TAF2: variants seen among roughly 807,000 people sequenced by gnomAD.
TAF2 encodes the protein TATA-box binding protein associated factor 2.
A neutral mutation model predicts 138.5 loss-of-function variants in TAF2; 61 were observed. That is an observed-to-expected ratio of 0.44 (90% CI 0.36 to 0.54). The LOEUF is 0.54. Ranked by LOEUF, TAF2 falls within the 20% of genes least tolerant of loss-of-function variation. TAF2 has a pLI of 0.00. For missense variants in TAF2, 1,090 were observed against 1,427.9 expected, an observed-to-expected ratio of 0.76 and a Z score of 3.81; for synonymous variants, 475 against 469.9, an observed-to-expected ratio of 1.01 and a Z score of -0.14.
chr8:119,782,019 T>C (rs1822699436), intron 16 of TAF2, among the ~76,000 whole-genome samples: 2 of 152,232 alleles, frequency 1.3e-5, no homozygotes. Flanking sequence ...TATAATTATT[T>C]TCTACAAGTT....
At chr8:119,797,138 C>A (rs770861837) in intron 7 of TAF2, 35 bp from the exon 8 acceptor site, 3 of 1,389,406 alleles carry the variant, frequency 2.2e-6, no homozygotes, top group Non-Finnish European at 3.1e-6. Flanking sequence ...TCATTATAAC[C>A]AAGAAATAAA....
chr8:119,771,373 T>C (rs1283758469), intron 18 of TAF2, among the ~76,000 whole-genome samples: 1 of 151,904 alleles, frequency 6.6e-6, no homozygotes, highest in Non-Finnish European at 1.5e-5. Flanking sequence ...GTAGCTGGGA[T>C]TACAAGCATG....
intron 18 of TAF2, among the ~76,000 whole-genome samples, chr8:119,772,973 T>A (rs1821957736): frequency 6.7e-6 from 1 of 148,614 alleles, no homozygotes; most frequent in Non-Finnish European, 1.5e-5. Flanking sequence ...AATAATAATA[T>A]TACTTAAAAT....
intron 18 of TAF2, among the ~76,000 whole-genome samples, chr8:119,775,139 G>GGC: frequency 6.6e-6 from 1 of 151,852 alleles, no homozygotes; most frequent in South Asian, 2.1e-4. Context: ...AAATTAGCCA[G>GGC]GTGTGGCAGC....
chr8:119,741,986 T>C (rs1819628978), intron 25 of TAF2, among the ~76,000 whole-genome samples: 1 of 152,202 alleles, frequency 6.6e-6, no homozygotes, highest in African/African-American at 2.4e-5. Flanking sequence ...AACAAACACA[T>C]CTGAATTAAA....
At position 119,809,689 on chromosome 8, in the gene TAF2, G is replaced by C. The variant is rs367731412; in HGVS notation, c.300-3288C>G. Reference sequence around the variant, plus strand: ...TCAATATTGTGTGTCTCAGCAAACAGGGAGGCCCGAGGAAGGGGACAGAGA... The same window carrying C: ...TCAATATTGTGTGTCTCAGCAAACACGGAGGCCCGAGGAAGGGGACAGAGA... On this transcript the variant is annotated intron_variant, in intron 3 of 25. Transcript: ENST00000378164. 9.2e-5 allele frequency among the ~76,000 whole-genome samples: 14 copies of C among 152,260 alleles called. No individual in the cohort carries two copies. In the East Asian group the frequency reaches 1.5e-3, roughly 17 times the overall value.
At chr8:119,766,083 G>A (rs1821401329) in intron 18 of TAF2, among the ~76,000 whole-genome samples, 1 of 152,132 alleles carries the variant, frequency 6.6e-6, no homozygotes, top group African/African-American at 2.4e-5. Context: ...CTACAACTAT[G>A]ATATTACATT....
chr8:119,744,714 T>A (rs570229110), intron 23 of TAF2: 43 of 396,798 alleles, frequency 1.1e-4, no homozygotes, highest in African/African-American at 8.0e-4. Flanking sequence ...TATGTGATAA[T>A]ATAAGTTAAA....
intron 18 of TAF2, among the ~76,000 whole-genome samples, chr8:119,774,928 A>G (rs1304856866): frequency 1.3e-5 from 2 of 152,048 alleles, no homozygotes; most frequent in Non-Finnish European, 2.9e-5. Flanking sequence ...AAAACAAACA[A>G]ACAAAAAACC....
Position 119,788,805 on chromosome 8 carries a change from TC to T in TAF2, c.1667del (p.Gly556GlufsTer11). Reference sequence around the variant, plus strand: ...AAAGACTTACCACGTATTTCTGAGTTCCAGGAGATGTATAGTCCTGTTTTAT... The same window carrying T: ...AAAGACTTACCACGTATTTCTGAGTTCAGGAGATGTATAGTCCTGTTTTAT... ...LEIKQDYTSP[G>X]TQKYVGPLKV... On this transcript the variant is annotated frameshift_variant, in exon 13 of 26. Transcript: ENST00000378164. LOFTEE classifies it high-confidence loss of function. 2 of 1,613,186 alleles carry T rather than the reference TC, an allele frequency of 1.2e-6. No individual in the cohort carries two copies. The highest frequency in any genetic ancestry group is 1.7e-6 in the Non-Finnish European group (2 of 1,179,214).
Position 119,778,004 on chromosome 8 carries a change from AT to A in TAF2, c.2364+14del. 7.3e-7 allele frequency: 1 copy of A among 1,368,480 alleles called. No homozygotes were observed. The highest frequency in any genetic ancestry group is 1.0e-6 in the Non-Finnish European group (1 of 968,578). The allele number at this position is 1,368,480 out of a possible 1,614,324, so 84.8% of individuals were successfully genotyped here. A position where few individuals can be genotyped will look rare whatever the true frequency, so the allele number is the denominator to read the frequency against. On this transcript the variant is annotated intron_variant, in intron 18 of 25. Coordinates refer to ENST00000378164, the MANE Select transcript of TAF2 (RefSeq NM_003184.4). ...GACAACTGTTGTAGAAGATTTAAAA[AT>A]AAAAGTACCTCACCTTATTTTTCCT...
chr8:119,747,523 G>C (rs770922682), intron 22 of TAF2, among the ~76,000 whole-genome samples: 9 of 152,124 alleles, frequency 5.9e-5, no homozygotes, highest in Non-Finnish European at 1.0e-4. Flanking sequence ...TGACACACTA[G>C]AGGCAAGTTC....
intron 2 of TAF2, among the ~76,000 whole-genome samples, chr8:119,830,084 G>T (rs1161811408): frequency 6.6e-6 from 1 of 151,722 alleles, no homozygotes; most frequent in East Asian, 1.9e-4. Flanking sequence ...ATTTTTAGTA[G>T]AGACAGGGTT....
chr8:119,790,960 C>T (rs1208009099), intron 11 of TAF2, among the ~76,000 whole-genome samples: 2 of 148,172 alleles, frequency 1.3e-5, no homozygotes, highest in East Asian at 4.0e-4. Context: ...CTATGCCTGA[C>T]TTAGTAATAA....
intron 2 of TAF2, among the ~76,000 whole-genome samples, chr8:119,824,498 G>A (rs1423668189): frequency 6.6e-6 from 1 of 152,126 alleles, no homozygotes; most frequent in African/African-American, 2.4e-5. Context: ...ACAGAAATTT[G>A]CATAAGTAAC....
intron 10 of TAF2, 88 bp downstream of exon 10, chr8:119,793,278 G>T: frequency 1.8e-6 from 2 of 1,126,898 alleles, no homozygotes; most frequent in Non-Finnish European, 2.6e-6. Context: ...AAATTCTGAG[G>T]TACAATGAAA....
intron 18 of TAF2, among the ~76,000 whole-genome samples, chr8:119,771,619 T>C (rs1441553713): frequency 2.6e-5 from 4 of 152,202 alleles, no homozygotes; most frequent in Non-Finnish European, 4.4e-5. Context: ...AAAGGCATTA[T>C]ATACTGACGA....
At chr8:119,779,043 C>T (rs1395712475) in intron 17 of TAF2, among the ~76,000 whole-genome samples, 1 of 152,138 alleles carries the variant, frequency 6.6e-6, no homozygotes, top group Non-Finnish European at 1.5e-5. Flanking sequence ...ATAGGAACAA[C>T]TGAGGGAAAG....
chr8:119,783,506 G>T lies in TAF2; in HGVS notation c.1987C>A (p.Gln663Lys). 6.2e-7 allele frequency: 1 copy of T among 1,614,142 alleles called. No homozygotes were observed. The highest frequency in any genetic ancestry group is 8.5e-7 in the Non-Finnish European group (1 of 1,180,024). Residue 663 changes from glutamine (Q) to lysine (K), a missense_variant, in exon 16 of 26, where the codon CAG becomes AAG. Physicochemically the swap from Gln to Lys is moderately conservative, Grantham distance 53. Coordinates refer to ENST00000378164, the MANE Select transcript of TAF2 (RefSeq NM_003184.4). Reference protein sequence around the residue: ...LRYERDVVAQQESILALEKFP... With the variant: ...LRYERDVVAQKESILALEKFP... Reference sequence around the variant, plus strand: ...TTTTCCAAAGCCAAAATGGATTCCTGCTGTGCAACAACATCTCTCTCATAG... The same window carrying T: ...TTTTCCAAAGCCAAAATGGATTCCTTCTGTGCAACAACATCTCTCTCATAG...
Sources: gnomAD v4.1 joint callset for allele counts (sites outside exome capture counted in the v4.1 genomes callset) on GRCh38, gnomAD v4.1.1 for gene constraint, MANE v1.5 for transcripts, NCBI Gene and HGNC (gene_info 2026-07-23, HGNC 2026-07-21) for gene names.